The following RGS6 variants were observed in gnomAD, a reference collection of about 807,000 sequenced individuals.
RGS6 encodes regulator of G-protein signaling 6.
A neutral mutation model predicts 78.5 loss-of-function variants in RGS6; 30 were observed. The observed-to-expected ratio is 0.38, with a 90% confidence interval of 0.29 to 0.52. The LOEUF (loss-of-function observed/expected upper bound fraction) is 0.52. Among genes scored for constraint, RGS6 ranks in the 20% least tolerant of loss-of-function variants. The pLI, the probability that RGS6 is intolerant of heterozygous loss-of-function variation, is 0.85. For synonymous variants in RGS6, 206 were observed against 206.0 expected, an observed-to-expected ratio of 1.00 and a Z score of 0.00; for missense variants, 495 against 609.7, an observed-to-expected ratio of 0.81 and a Z score of 1.98.
chr14:72,560,176 A>ATAT (rs1341191916), intron 17 of RGS6, among the ~76,000 whole-genome samples: 1 of 152,070 alleles, frequency 6.6e-6, no homozygotes, highest in Admixed American at 6.6e-5. Context: ...CAGAACATAT[A>ATAT]TATTTGGGTA....
intron 2 of RGS6, among the ~76,000 whole-genome samples, chr14:72,194,825 G>C (rs574885897): frequency 2.0e-5 from 3 of 152,326 alleles, no homozygotes; most frequent in African/African-American, 7.2e-5. Context: ...GGGCAACCAA[G>C]GTGGGTGTTC....
At chr14:72,228,150 G>C (rs2048586896) in intron 2 of RGS6, among the ~76,000 whole-genome samples, 1 of 151,924 alleles carries the variant, frequency 6.6e-6, no homozygotes, top group Non-Finnish European at 1.5e-5. Context: ...AGGCCGAGGT[G>C]GGTAGATAAC....
intron 2 of RGS6, among the ~76,000 whole-genome samples, chr14:71,978,023 C>T (rs1019925678): frequency 2.0e-5 from 3 of 151,480 alleles, no homozygotes; most frequent in Admixed American, 2.0e-4. Context: ...CTCTTTGAAG[C>T]AATTGTGAAT....
At chr14:72,026,652 C>G (rs1251678044) in intron 2 of RGS6, among the ~76,000 whole-genome samples, 1 of 152,188 alleles carries the variant, frequency 6.6e-6, no homozygotes, top group Non-Finnish European at 1.5e-5. Flanking sequence ...CTGAACATCT[C>G]ACAACCACAG....
intron 3 of RGS6, among the ~76,000 whole-genome samples, chr14:72,390,708 A>T (rs2089741061): frequency 1.3e-5 from 2 of 152,164 alleles, no homozygotes; most frequent in African/African-American, 4.8e-5. Context: ...TAAACCTTAG[A>T]ATCATAATAC....
intron 2 of RGS6, among the ~76,000 whole-genome samples, chr14:72,104,260 T>C (rs2153531588): frequency 6.6e-6 from 1 of 152,310 alleles, no homozygotes; most frequent in East Asian, 1.9e-4. Context: ...TGCTTTTCCT[T>C]TCCTCTCTGT....
At chr14:72,451,788 CTG>C (rs2095499681) in intron 3 of RGS6, among the ~76,000 whole-genome samples, 1 of 152,076 alleles carries the variant, frequency 6.6e-6, no homozygotes, top group African/African-American at 2.4e-5. Context: ...GCGTCTCACT[CTG>C]TGGCCAGGCT....
chr14:72,540,976 C>T lies in RGS6; in HGVS notation c.1422+882C>T. On this transcript the variant is annotated intron_variant, in intron 17 of 17. Coordinates refer to ENST00000553525, the MANE Select transcript of RGS6 (RefSeq NM_001204424.2). Reference sequence around the variant, plus strand: ...CTCTACCATGGTTTGTAGAACAACACAGGCCAATCTCCTCTTTCCATGCTG... The same window carrying T: ...CTCTACCATGGTTTGTAGAACAACATAGGCCAATCTCCTCTTTCCATGCTG... 2.4e-6 allele frequency: 3 copies of T among 1,261,042 alleles called. No individual in the cohort carries two copies. The South Asian group carries it at 4.0e-5, about 17-fold the overall frequency. 78.1% of individuals were successfully genotyped at this position (1,261,042 alleles called of 1,614,324 possible).
At chr14:72,307,567 G>C (rs1002526574) in intron 2 of RGS6, among the ~76,000 whole-genome samples, 22 of 152,050 alleles carry the variant, frequency 1.4e-4, no homozygotes, top group Non-Finnish European at 5.9e-5. Flanking sequence ...ATCAAATACT[G>C]AGAGACTGTT....
intron 2 of RGS6, among the ~76,000 whole-genome samples, chr14:72,345,942 A>G (rs917171084): frequency 7.9e-5 from 12 of 152,196 alleles, no homozygotes; most frequent in African/African-American, 2.9e-4. Context: ...AAGAAATATG[A>G]TTATCATTTG....
intron 2 of RGS6, among the ~76,000 whole-genome samples, chr14:72,146,898 G>A (rs1297063995): frequency 6.6e-6 from 1 of 152,164 alleles, no homozygotes; most frequent in Non-Finnish European, 1.5e-5. Context: ...TTGCTACTTA[G>A]CCTAGTTCAT....
intron 3 of RGS6, among the ~76,000 whole-genome samples, chr14:72,414,102 T>C (rs534441534): frequency 3.0e-4 from 46 of 152,124 alleles, no homozygotes; most frequent in African/African-American, 1.1e-3. Flanking sequence ...TTTCCTGAAT[T>C]TGAATGTTGG....
At chr14:72,502,237 G>A (rs1194746956) in intron 13 of RGS6, among the ~76,000 whole-genome samples, 1 of 152,202 alleles carries the variant, frequency 6.6e-6, no homozygotes, top group African/African-American at 2.4e-5. Context: ...CTGGTCAGTA[G>A]CCTCTGCTGA....
chr14:72,408,114 C>T (rs975508201), intron 3 of RGS6, among the ~76,000 whole-genome samples: 1 of 152,168 alleles, frequency 6.6e-6, no homozygotes, highest in Admixed American at 6.6e-5. Context: ...CCACTTATAA[C>T]ACTTACTATT....
intron 3 of RGS6, among the ~76,000 whole-genome samples, chr14:72,423,302 C>T (rs970477482): frequency 3.9e-5 from 6 of 152,196 alleles, no homozygotes; most frequent in South Asian, 4.1e-4. Flanking sequence ...CACCCCATGT[C>T]ATGTTTACCT....
chr14:72,193,000 C>CT (rs1361609944), intron 2 of RGS6, among the ~76,000 whole-genome samples: 65 of 126,004 alleles, frequency 5.2e-4, no homozygotes, highest in East Asian at 2.6e-3. Flanking sequence ...TTTTTTCTTT[C>CT]TTTTTTTTTT....
At chr14:72,303,771 A>C (rs751892493) in intron 2 of RGS6, among the ~76,000 whole-genome samples, 1 of 152,206 alleles carries the variant, frequency 6.6e-6, no homozygotes, top group Non-Finnish European at 1.5e-5. Context: ...GCATGATGCA[A>C]ACATATTAGC....
chr14:72,606,262 A>G, the RGS6 span, among the ~76,000 whole-genome samples: 2 of 152,108 alleles, frequency 1.3e-5, no homozygotes, highest in African/African-American at 4.8e-5. Context: ...CTTTTGGTGC[A>G]TGTATACCTC....
chr14:72,473,089 G>A, intron 9 of RGS6, 136 bp downstream of exon 9: 1 of 573,278 alleles, frequency 1.7e-6, no homozygotes, highest in Non-Finnish European at 3.1e-6. Context: ...AACTGGTTTC[G>A]CCATTCATTT....
Sources: gnomAD v4.1 joint callset for allele counts (sites outside exome capture counted in the v4.1 genomes callset) on GRCh38, gnomAD v4.1.1 for gene constraint, MANE v1.5 for transcripts, NCBI Gene and HGNC (gene_info 2026-07-23, HGNC 2026-07-21) for gene names.